The following PHF24 variants were observed in gnomAD, a reference collection of about 807,000 sequenced individuals.
PHF24 encodes the protein PHD finger protein 24, also known as Galpha inhibitory interacting protein.
Under a neutral mutation model 42.6 loss-of-function variants are expected in PHF24, and 25 were observed. The observed-to-expected ratio is 0.59, with a 90% CI of 0.43 to 0.82. The LOEUF (loss-of-function observed/expected upper bound fraction) is 0.82, where lower values mean the gene tolerates loss of function less well. Among genes scored for constraint, PHF24 ranks in the 40% least tolerant of loss-of-function variants. The pLI is 0.00. For missense variants in PHF24, 470 were observed against 538.1 expected (o/e 0.87, Z 1.25); for synonymous variants, 185 against 204.8 (o/e 0.90, Z 0.83).
the PHF24 span, among the ~76,000 whole-genome samples, chr9:34,732,704 T>C: frequency 1.3e-3 from 204 of 152,328 alleles, 1 homozygote; most frequent in African/African-American, 4.5e-3. Flanking sequence ...TGCCCCTAGA[T>C]CAATTTCCTG....
chr9:34,833,346 G>C, the PHF24 span: 1 of 1,550,866 alleles, frequency 6.4e-7, no homozygotes, highest in South Asian at 1.2e-5. Flanking sequence ...GCAGAACCCT[G>C]GGGTACTGCT....
chr9:34,965,243 A>G (rs1335256612), intron 1 of PHF24, among the ~76,000 whole-genome samples: 2 of 152,208 alleles, frequency 1.3e-5, no homozygotes, highest in East Asian at 3.9e-4. Context: ...TGTCTTTTGT[A>G]TACAGTTTTG....
At chr9:34,808,050 G>A in the PHF24 span, among the ~76,000 whole-genome samples, 2 of 152,074 alleles carry the variant, frequency 1.3e-5, no homozygotes, top group Non-Finnish European at 2.9e-5. Flanking sequence ...ATATTTATCT[G>A]GGATCCTGCC....
the PHF24 span, chr9:34,922,800 C>G: frequency 6.3e-7 from 1 of 1,592,652 alleles, no homozygotes. Context: ...GAGAAGATTC[C>G]TCTCCTCATT....
At chr9:34,761,496 T>C in the PHF24 span, among the ~76,000 whole-genome samples, 3 of 152,132 alleles carry the variant, frequency 2.0e-5, no homozygotes, top group African/African-American at 7.2e-5. Flanking sequence ...CAGGGAGTGA[T>C]AAATGCTATG....
chr9:34,882,475 G>T, the PHF24 span, among the ~76,000 whole-genome samples: 2 of 152,014 alleles, frequency 1.3e-5, no homozygotes, highest in Non-Finnish European at 2.9e-5. Flanking sequence ...CATCATCTCA[G>T]CCCAAAATCT....
chr9:34,891,786 T>C, the PHF24 span, among the ~76,000 whole-genome samples: 6 of 152,302 alleles, frequency 3.9e-5, no homozygotes, highest in Admixed American at 1.3e-4. Flanking sequence ...AGGGCTTACA[T>C]TGTATGATTT....
the PHF24 span, among the ~76,000 whole-genome samples, chr9:34,779,787 G>A: frequency 1.1e-4 from 16 of 152,242 alleles, no homozygotes; most frequent in Admixed American, 2.0e-4. Context: ...GTGCAATGGC[G>A]CGATCTTGGC....
At chr9:34,736,736 A>G in the PHF24 span, among the ~76,000 whole-genome samples, 2 of 152,260 alleles carry the variant, frequency 1.3e-5, no homozygotes, top group East Asian at 3.8e-4. Context: ...GAAGACAAAG[A>G]TGCTAAAGGC....
chr9:34,958,137 C>T (rs1406730137), upstream of PHF24, among the ~76,000 whole-genome samples: 1 of 148,116 alleles, frequency 6.8e-6, no homozygotes, highest in Non-Finnish European at 1.5e-5. The surrounding 1 kb of genome is among the most constrained non-coding windows in gnomAD (Gnocchi z 4.5). Flanking sequence ...CTGGGCGGGG[C>T]GGGGCGCGCC....
chr9:34,809,410 G>A, the PHF24 span, among the ~76,000 whole-genome samples: 13 of 152,200 alleles, frequency 8.5e-5, no homozygotes, highest in African/African-American at 2.9e-4. The surrounding 1 kb of genome is among the most constrained non-coding windows in gnomAD (Gnocchi z 4.1). Context: ...GCACATTAAA[G>A]CCTTCAGAAC....
chr9:34,959,174 T>C (rs1195562336), intron 1 of PHF24, among the ~76,000 whole-genome samples: 3 of 152,156 alleles, frequency 2.0e-5, no homozygotes, highest in Admixed American at 2.0e-4. Context: ...AAAGCAAAGA[T>C]AGGAGATTTG....
chr9:34,759,353 T>A, the PHF24 span, among the ~76,000 whole-genome samples: 1 of 152,224 alleles, frequency 6.6e-6, no homozygotes, highest in Admixed American at 6.5e-5. Flanking sequence ...CATGTTATTA[T>A]AAAACCTGCC....
chr9:34,676,488 A>G, the PHF24 span, among the ~76,000 whole-genome samples: 3 of 152,116 alleles, frequency 2.0e-5, no homozygotes, highest in Admixed American at 6.5e-5. Flanking sequence ...ATGCCACTGC[A>G]CTCCAGTCTG....
chr9:34,850,353 C>A, the PHF24 span, among the ~76,000 whole-genome samples: 1 of 152,180 alleles, frequency 6.6e-6, no homozygotes. Context: ...TCATTCATTT[C>A]ATCTTCCATC....
the PHF24 span, among the ~76,000 whole-genome samples, chr9:34,721,903 C>T: frequency 6.6e-6 from 1 of 152,182 alleles, no homozygotes; most frequent in African/African-American, 2.4e-5. Flanking sequence ...TAGTATTCCA[C>T]ACTCATCTTG....
chr9:34,701,523 C>T, the PHF24 span, among the ~76,000 whole-genome samples: 1 of 152,238 alleles, frequency 6.6e-6, no homozygotes, highest in South Asian at 2.1e-4. The surrounding 1 kb of genome is among the most constrained non-coding windows in gnomAD (Gnocchi z 5.8). Context: ...GCGCATGCGG[C>T]TGTGACCCTG....
At chr9:34,698,499 T>C in the PHF24 span, among the ~76,000 whole-genome samples, 4 of 152,178 alleles carry the variant, frequency 2.6e-5, no homozygotes, top group Non-Finnish European at 4.4e-5. Context: ...CAGTTTGTTT[T>C]TGTTGTTCTT....
At chr9:34,976,958 C>T in intron 5 of PHF24, 125 bp from the exon 6 acceptor site, 2 of 1,134,342 alleles carry the variant, frequency 1.8e-6, no homozygotes, top group Non-Finnish European at 2.5e-6. Flanking sequence ...AGTGCTGATG[C>T]CTCCAGAAGG....
Sources: gnomAD v4.1 joint callset for allele counts (sites outside exome capture counted in the v4.1 genomes callset) on GRCh38, gnomAD v4.1.1 for gene constraint, Gnocchi (gnomAD v3.1) non-coding constraint, MANE v1.5 for transcripts, NCBI Gene and HGNC (gene_info 2026-07-23, HGNC 2026-07-21) for gene names.